Variants in PRKN observed in about 807,000 individuals in gnomAD.
PRKN encodes the protein parkin RBR E3 ubiquitin protein ligase.
Under a neutral mutation model 59.5 loss-of-function variants are expected in PRKN, and 56 were observed. The observed-to-expected ratio is 0.94, with a 90% CI of 0.76 to 1.18. PRKN has a LOEUF of 1.18. PRKN is among the 50% of genes most tolerant of loss of function. PRKN has a pLI of 0.00. For missense variants in PRKN, 657 were observed against 596.4 expected (o/e 1.10, Z -1.06); for synonymous variants, 250 against 222.1 (o/e 1.13, Z -1.12).
At chr6:161,961,496 A>G (rs1780374848) in intron 6 of PRKN, among the ~76,000 whole-genome samples, 1 of 152,136 alleles carries the variant, frequency 6.6e-6, no homozygotes, top group African/African-American at 2.4e-5. Context: ...AGTATTATAA[A>G]AGAATCTTGG....
intron 1 of PRKN, among the ~76,000 whole-genome samples, chr6:162,479,249 G>A (rs1439988748): frequency 3.3e-5 from 5 of 149,454 alleles, no homozygotes; most frequent in Admixed American, 3.3e-4. Context: ...TTTTTGAGAC[G>A]GTGTCATGCT....
intron 3 of PRKN, among the ~76,000 whole-genome samples, chr6:162,230,200 G>A (rs1778364311): frequency 6.6e-6 from 1 of 152,208 alleles, no homozygotes; most frequent in East Asian, 1.9e-4. Flanking sequence ...ATATCTTACT[G>A]AAGCAATTTT....
intron 1 of PRKN, among the ~76,000 whole-genome samples, chr6:162,512,285 AT>A (rs368291332): frequency 1.3e-3 from 199 of 152,332 alleles, no homozygotes; most frequent in South Asian, 5.0e-3. Context: ...GAAATCAAGC[AT>A]TAACTATGGA....
intron 7 of PRKN, among the ~76,000 whole-genome samples, chr6:161,611,555 G>C (rs1441229114): frequency 6.6e-6 from 1 of 152,184 alleles, no homozygotes; most frequent in Non-Finnish European, 1.5e-5. Context: ...TTGTTTGGGA[G>C]CACCATGAAA....
chr6:162,295,283 A>G (rs1562647966), intron 2 of PRKN, among the ~76,000 whole-genome samples: 1 of 152,214 alleles, frequency 6.6e-6, no homozygotes, highest in Non-Finnish European at 1.5e-5. Context: ...TAGGGCCAAA[A>G]TAATGAATCA....
chr6:161,650,744 T>C (rs1458042962), intron 7 of PRKN, among the ~76,000 whole-genome samples: 1 of 152,222 alleles, frequency 6.6e-6, no homozygotes, highest in Non-Finnish European at 1.5e-5. Context: ...TCAGTGGCTG[T>C]GCATTCACTG....
At chr6:162,348,644 TCTC>T (rs1469504544) in intron 2 of PRKN, among the ~76,000 whole-genome samples, 1 of 152,172 alleles carries the variant, frequency 6.6e-6, no homozygotes, top group Non-Finnish European at 1.5e-5. Context: ...TCTTTGTAAG[TCTC>T]CTATGGTTTT....
chr6:161,852,454 A>G (rs1276168598), intron 6 of PRKN, among the ~76,000 whole-genome samples: 1 of 152,142 alleles, frequency 6.6e-6, no homozygotes, highest in Non-Finnish European at 1.5e-5. Context: ...CTCTGTCTCT[A>G]AACCACACAC....
intron 1 of PRKN, among the ~76,000 whole-genome samples, chr6:162,556,761 AAAG>A (rs1779622412): frequency 6.6e-6 from 1 of 151,124 alleles, no homozygotes. Context: ...AAAAAAAAAA[AAAG>A]AGAAAAGGAA....
intron 4 of PRKN, among the ~76,000 whole-genome samples, chr6:162,129,632 T>C (rs1470117896): frequency 2.6e-5 from 4 of 152,212 alleles, no homozygotes; most frequent in Non-Finnish European, 5.9e-5. Context: ...TGGAGCATTC[T>C]AATTTTATAA....
intron 1 of PRKN, among the ~76,000 whole-genome samples, chr6:162,511,325 T>C (rs1183673311): frequency 6.6e-6 from 1 of 152,130 alleles, no homozygotes; most frequent in East Asian, 1.9e-4. Flanking sequence ...CAATTATGCC[T>C]ACTTATAGAC....
chr6:161,885,558 G>A (rs916397640), intron 6 of PRKN, among the ~76,000 whole-genome samples: 5 of 151,782 alleles, frequency 3.3e-5, no homozygotes, highest in Admixed American at 1.3e-4. Flanking sequence ...CCAGCTGCTC[G>A]GGAGGCTGAG....
intron 6 of PRKN, among the ~76,000 whole-genome samples, chr6:161,808,348 A>C (rs12525730): frequency 6.6e-6 from 1 of 152,206 alleles, no homozygotes; most frequent in South Asian, 2.1e-4. Flanking sequence ...TCAATGTTAA[A>C]TTGACTTGAA....
At chr6:162,328,219 C>T (rs945950699) in intron 2 of PRKN, among the ~76,000 whole-genome samples, 7 of 121,602 alleles carry the variant, frequency 5.8e-5, no homozygotes, top group Non-Finnish European at 1.1e-4. Context: ...AGTTAATGGG[C>T]ATGGTGGTGC....
chr6:162,689,422 A>C (rs1777688189), intron 1 of PRKN, among the ~76,000 whole-genome samples: 1 of 152,234 alleles, frequency 6.6e-6, no homozygotes, highest in African/African-American at 2.4e-5. Flanking sequence ...TGTTAGGCTA[A>C]ATTCAGCCAT....
chr6:162,500,271 AAGCG>A (rs1793304608), intron 1 of PRKN, among the ~76,000 whole-genome samples: 1 of 151,242 alleles, frequency 6.6e-6, no homozygotes, highest in Admixed American at 6.6e-5. Flanking sequence ...TCCTGGGTTC[AAGCG>A]ATTCTTGTGC....
rs192172623 is a variant in PRKN at position 162,400,504 on chromosome 6, A to G, written c.171+42806T>C. Among the ~76,000 whole-genome samples the G allele has an allele frequency of 6.3e-3, 950 of 151,800 alleles. 4 individuals carry two copies. Among genetic ancestry groups the G allele is most frequent in the Middle Eastern group, 0.014 (4 of 292 alleles). On this transcript the variant is annotated intron_variant, in intron 2 of 11. Transcript: ENST00000366898. ...AGCTAAAATGACACCAGTAAAAAAC[A>G]CAAGGAAAGAGTGTTCCAAGAAAAG...
chr6:162,603,472 A>G (rs144308894), intron 1 of PRKN, among the ~76,000 whole-genome samples: 1 of 152,148 alleles, frequency 6.6e-6, no homozygotes, highest in Non-Finnish European at 1.5e-5. Flanking sequence ...GTTGTCTTTG[A>G]CTGCCTTTGC....
chr6:161,977,596 G>A (rs927459508), intron 5 of PRKN, among the ~76,000 whole-genome samples: 1 of 145,312 alleles, frequency 6.9e-6, no homozygotes, highest in Non-Finnish European at 1.5e-5. Flanking sequence ...GCCCAGGCTG[G>A]AGCGCAGTGG....
Sources: gnomAD v4.1 joint callset for allele counts (sites outside exome capture counted in the v4.1 genomes callset) on GRCh38, gnomAD v4.1.1 for gene constraint, MANE v1.5 for transcripts, NCBI Gene and HGNC (gene_info 2026-07-23, HGNC 2026-07-21) for gene names.